HEPHL1: variants seen among roughly 807,000 people sequenced by gnomAD.
HEPHL1 encodes hephaestin like 1.
Under a neutral mutation model 122.0 loss-of-function variants are expected in HEPHL1, and 123 were observed. That is an observed-to-expected ratio of 1.01 (90% CI 0.87 to 1.17). The LOEUF is 1.17. HEPHL1 is among the 50% of genes most tolerant of loss of function. The pLI is 0.00. For missense variants in HEPHL1, 1,452 were observed against 1,430.5 expected, an observed-to-expected ratio of 1.01 and a Z score of -0.24; for synonymous variants, 527 against 508.9, an observed-to-expected ratio of 1.04 and a Z score of -0.48.
At chr11:94,094,367 A>G (rs1565360674) in intron 13 of HEPHL1, among the ~76,000 whole-genome samples, 1 of 152,100 alleles carries the variant, frequency 6.6e-6, no homozygotes, top group Non-Finnish European at 1.5e-5. Flanking sequence ...CATGGTGTAT[A>G]TGTGCCACAT....
intron 12 of HEPHL1, among the ~76,000 whole-genome samples, chr11:94,090,001 G>T (rs965494909): frequency 2.0e-5 from 3 of 151,886 alleles, no homozygotes; most frequent in African/African-American, 7.3e-5. Flanking sequence ...AACACGACAT[G>T]CTACTGTTCC....
At chr11:94,048,478 C>T (rs1019170230) in intron 2 of HEPHL1, among the ~76,000 whole-genome samples, 1 of 152,066 alleles carries the variant, frequency 6.6e-6, no homozygotes, top group African/African-American at 2.4e-5. Flanking sequence ...TCCTGCCTCA[C>T]CCTCCCAAGT....
At chr11:94,071,438 T>A (rs1303901144) in intron 6 of HEPHL1, among the ~76,000 whole-genome samples, 3 of 152,182 alleles carry the variant, frequency 2.0e-5, no homozygotes, top group African/African-American at 7.2e-5. Context: ...TGTGAAAGAC[T>A]CTGATATCAA....
At chr11:94,064,309 C>G in intron 3 of HEPHL1, 22 bp from the exon 4 acceptor site, 2 of 1,581,600 alleles carry the variant, frequency 1.3e-6, no homozygotes, top group East Asian at 2.2e-5. Context: ...TTTCTCTCTA[C>G]TCTTTTGAAT....
chr11:94,042,557 G>A (rs894053888), intron 1 of HEPHL1, among the ~76,000 whole-genome samples: 2 of 151,218 alleles, frequency 1.3e-5, no homozygotes, highest in Non-Finnish European at 2.9e-5. Context: ...ACAAAATGAT[G>A]AGTTCATGTC....
intron 9 of HEPHL1, among the ~76,000 whole-genome samples, chr11:94,078,285 C>T (rs375554511): frequency 6.6e-6 from 1 of 151,870 alleles, no homozygotes; most frequent in Non-Finnish European, 1.5e-5. Context: ...TTAGAAAACT[C>T]ATTTTCCTTA....
intron 2 of HEPHL1, among the ~76,000 whole-genome samples, chr11:94,050,173 T>C (rs1314061119): frequency 5.3e-5 from 8 of 152,178 alleles, no homozygotes; most frequent in African/African-American, 1.9e-4. Context: ...AAAGAATTAA[T>C]TTTTGTATGT....
At chr11:94,075,950 G>A (rs1403686331) in intron 9 of HEPHL1, among the ~76,000 whole-genome samples, 2 of 152,118 alleles carry the variant, frequency 1.3e-5, no homozygotes, top group African/African-American at 4.8e-5. Flanking sequence ...TTAGTGTAGC[G>A]AAGCATAGCC....
chr11:94,103,694 C>T lies in HEPHL1; in HGVS notation c.2682+674C>T, dbSNP rs117597380. ...CATAAACCAAAGTCCAATCTAAAGTCGTTATTTGATGTAAAATGTAAGCAT... is the reference window on the plus strand; with the variant it reads ...CATAAACCAAAGTCCAATCTAAAGTTGTTATTTGATGTAAAATGTAAGCAT... On this transcript the variant is annotated intron_variant, in intron 15 of 19. Coordinates refer to ENST00000315765, the MANE Select transcript of HEPHL1 (RefSeq NM_001098672.2). 7.0e-4 allele frequency among the ~76,000 whole-genome samples: 106 copies of T among 152,068 alleles called. 1 individual carries two copies. In the East Asian group the frequency reaches 0.015, roughly 22 times the overall value.
chr11:94,061,887 C>G (rs1945987644), intron 2 of HEPHL1, among the ~76,000 whole-genome samples: 1 of 151,908 alleles, frequency 6.6e-6, no homozygotes, highest in Non-Finnish European at 1.5e-5. Context: ...GCAAAAAGTT[C>G]CTTTCTCTTA....
chr11:94,054,649 T>C (rs1002948546), intron 2 of HEPHL1, among the ~76,000 whole-genome samples: 1 of 152,212 alleles, frequency 6.6e-6, no homozygotes, highest in Non-Finnish European at 1.5e-5. Flanking sequence ...AACGATAGGA[T>C]GGAGGCTACA....
In HEPHL1 at chr11:94,032,170, T is replaced by C. The variant is rs147196920; in HGVS notation, c.170+10632T>C. ...CAACTTCAATGTCATTTCCAGTGAA[T>C]TTTATCCACCCTGAAATGCTTCCAG... On this transcript the variant is annotated intron_variant, in intron 1 of 19. Coordinates refer to ENST00000315765, the MANE Select transcript of HEPHL1 (RefSeq NM_001098672.2). Among the ~76,000 whole-genome samples, 60 of 152,324 alleles carry C rather than the reference T, an allele frequency of 3.9e-4. 1 individual carries two copies. In the East Asian group the frequency reaches 0.011, roughly 27 times the overall value.
chr11:94,062,691 C>T lies in HEPHL1; in HGVS notation c.416-817C>T, dbSNP rs867420556. Among the ~76,000 whole-genome samples the T allele has an allele frequency of 8.6e-5, 13 of 152,028 alleles. 1 individual carries two copies. Among genetic ancestry groups the T allele is most frequent in the Middle Eastern group, 3.4e-3 (1 of 294 alleles). ...CTAGCTCCTCCCGTCCTTTAAGGCC[C>T]CTTAAATCTCACCTCTGTTGTAGAG... On this transcript the variant is annotated intron_variant, in intron 2 of 19. Coordinates refer to ENST00000315765, the MANE Select transcript of HEPHL1 (RefSeq NM_001098672.2).
chr11:94,109,224 T>C (rs1946430511), intron 17 of HEPHL1, among the ~76,000 whole-genome samples: 1 of 152,196 alleles, frequency 6.6e-6, no homozygotes, highest in Admixed American at 6.5e-5. Flanking sequence ...CCTGCATCTT[T>C]GCTAAACTCA....
intron 2 of HEPHL1, among the ~76,000 whole-genome samples, chr11:94,053,156 T>G (rs1344524402): frequency 6.6e-6 from 1 of 152,120 alleles, no homozygotes; most frequent in Non-Finnish European, 1.5e-5. Flanking sequence ...ATAGGTATAT[T>G]CCAATTTTTT....
chr11:94,036,031 C>T (rs1945719290), intron 1 of HEPHL1, among the ~76,000 whole-genome samples: 1 of 152,244 alleles, frequency 6.6e-6, no homozygotes, highest in Admixed American at 6.5e-5. Flanking sequence ...CCAACGCGCC[C>T]AGCCTGAAAG....
intron 10 of HEPHL1, among the ~76,000 whole-genome samples, chr11:94,083,354 C>G (rs1263019369): frequency 3.3e-5 from 5 of 152,182 alleles, no homozygotes; most frequent in African/African-American, 7.2e-5. Flanking sequence ...ACTTAATTCT[C>G]TCTCCCTGTC....
intron 1 of HEPHL1, among the ~76,000 whole-genome samples, chr11:94,045,167 C>T (rs572051748): frequency 6.6e-6 from 1 of 152,344 alleles, no homozygotes; most frequent in African/African-American, 2.4e-5. Context: ...CTTGGCCTCC[C>T]ATTGCTGGGA....
At chr11:94,077,983 A>G (rs949830639) in intron 9 of HEPHL1, among the ~76,000 whole-genome samples, 4 of 152,136 alleles carry the variant, frequency 2.6e-5, no homozygotes. Context: ...ACTTACCACC[A>G]TAAGACAGTT....
Sources: allele counts gnomAD v4.1 joint callset (sites outside exome capture counted in the v4.1 genomes callset), GRCh38; gene constraint gnomAD v4.1.1; transcripts MANE v1.5; gene names NCBI Gene and HGNC (gene_info 2026-07-23, HGNC 2026-07-21).